The following SLC1A1 variants were observed in gnomAD, a reference collection of about 807,000 sequenced individuals.
SLC1A1 encodes excitatory amino acid transporter 3.
In SLC1A1, 43 loss-of-function variants were observed where a neutral mutation model predicts 53.3. The ratio of observed to expected loss-of-function variants is 0.81; its 90% CI spans 0.63 to 1.04. SLC1A1 has a LOEUF of 1.04. Ranked by LOEUF, SLC1A1 falls within the 50% of genes least tolerant of loss-of-function variation. The probability of loss-of-function intolerance (pLI) is 0.00; values close to 1 mark genes in which losing one functional copy is unlikely to be tolerated. For missense variants in SLC1A1, 748 were observed against 664.9 expected, an observed-to-expected ratio of 1.12 and a Z score of -1.37; for synonymous variants, 307 against 243.2, an observed-to-expected ratio of 1.26 and a Z score of -2.44.
chr9:4,535,481 C>T (rs1374434157), intron 1 of SLC1A1, among the ~76,000 whole-genome samples: 3 of 152,084 alleles, frequency 2.0e-5, no homozygotes, highest in African/African-American at 7.2e-5. Flanking sequence ...GAATAAAATA[C>T]CTAGAAATCC....
At chr9:4,575,308 C>G (rs1168902234) in intron 8 of SLC1A1, among the ~76,000 whole-genome samples, 1 of 152,130 alleles carries the variant, frequency 6.6e-6, no homozygotes, top group Non-Finnish European at 1.5e-5. Context: ...TTTCTTAAGC[C>G]TCCTAGTTCA....
At chr9:4,544,829 C>A in intron 2 of SLC1A1, 122 bp downstream of exon 2, 1 of 840,250 alleles carries the variant, frequency 1.2e-6, no homozygotes, top group Non-Finnish European at 1.9e-6. Context: ...CATCCTGGCT[C>A]AGAAGGTCTC....
In SLC1A1 at chr9:4,567,704, C is replaced by T. The variant is rs183300590; in HGVS notation, c.519C>T (p.Ser173=). ...AGCGTGAAGAAGTGAAGCCTCCCAG[C>T]GATCCAGAGATGAACATGACAGAAG... The part of the protein sequence containing the change: ...KTKREEVKPP[S]DPEMNMTEES... The change falls in exon 6 of 12, where the codon AGC becomes AGT. Residue 173 remains serine (S), a synonymous_variant. Coordinates refer to ENST00000262352, the MANE Select transcript of SLC1A1 (RefSeq NM_004170.6). 63 of 1,613,058 alleles carry T rather than the reference C, an allele frequency of 3.9e-5. 1 individual carries two copies. In the East Asian group the frequency reaches 7.8e-4, roughly 20 times the overall value.
chr9:4,567,415 T>C (rs780838782), intron 5 of SLC1A1, among the ~76,000 whole-genome samples: 3 of 152,220 alleles, frequency 2.0e-5, no homozygotes, highest in Non-Finnish European at 4.4e-5. Context: ...TTGTCGTTTA[T>C]TGTGAAAGTG....
chr9:4,498,345 C>G (rs967430753), intron 1 of SLC1A1, among the ~76,000 whole-genome samples: 37 of 152,084 alleles, frequency 2.4e-4, no homozygotes, highest in African/African-American at 8.7e-4. Context: ...TGGTTTATTA[C>G]AACAGTAATA....
intron 11 of SLC1A1, among the ~76,000 whole-genome samples, chr9:4,584,760 A>T (rs1821434388): frequency 6.6e-6 from 1 of 152,090 alleles, no homozygotes; most frequent in South Asian, 2.1e-4. Context: ...TCCTGGGCTG[A>T]CCTGTGTTTT....
At chr9:4,581,549 C>T (rs751471460) in intron 10 of SLC1A1, among the ~76,000 whole-genome samples, 12 of 152,174 alleles carry the variant, frequency 7.9e-5, no homozygotes, top group East Asian at 1.9e-4. Flanking sequence ...TACTGTGACA[C>T]GTCAGGGTTT....
At chr9:4,561,851 T>C (rs762246045) in intron 3 of SLC1A1, among the ~76,000 whole-genome samples, 13 of 152,204 alleles carry the variant, frequency 8.5e-5, no homozygotes, top group Non-Finnish European at 1.5e-4. Flanking sequence ...TTTATGGTAC[T>C]TTGACAATAC....
chr9:4,521,838 GACCTTTACAAAGGGAGCAGCCCC>G (rs937857632), intron 1 of SLC1A1, among the ~76,000 whole-genome samples: 1 of 152,062 alleles, frequency 6.6e-6, no homozygotes, highest in Non-Finnish European at 1.5e-5. Context: ...ATTTATTCAA[GACCTTTACAAAGGGAGCAGCCCC>G]ACTTGTTTGC....
At chr9:4,508,295 C>T (rs139352773) in intron 1 of SLC1A1, among the ~76,000 whole-genome samples, 1 of 152,326 alleles carries the variant, frequency 6.6e-6, no homozygotes, top group African/African-American at 2.4e-5. Context: ...AGATATGTAT[C>T]TCGGGAAATA....
rs1816548600 is a variant in SLC1A1, at chr9:4,533,329, C to T, written c.92-11238C>T. On this transcript the variant is annotated intron_variant, in intron 1 of 11. Transcript: ENST00000262352. ...GTATTCAGGAAACCCATCTCATGGG[C>T]AGAGACACAAATAGGCTCAAAATAA... Among the ~76,000 whole-genome samples the T allele has an allele frequency of 2.0e-5, 3 of 152,152 alleles. No homozygotes were observed. In the South Asian group the frequency reaches 6.2e-4, roughly 32 times the overall value.
rs200490582 is a variant in SLC1A1 at position 4,544,643 on chromosome 9, A to G, written c.168A>G (p.Gly56=). 1.1e-5 allele frequency: 18 copies of G among 1,613,840 alleles called. No individual in the cohort carries two copies. In the East Asian group the frequency reaches 4.0e-4, roughly 36 times the overall value. The change falls in exon 2 of 12, where the codon GGA becomes GGG. Residue 56 remains glycine, a synonymous_variant. Coordinates refer to ENST00000262352, the MANE Select transcript of SLC1A1 (RefSeq NM_004170.6). ...TLEKFYFAFP[G]EILMRMLKLI... ...AGAAATTCTACTTTGCTTTTCCTGG[A>G]GAAATTCTAATGCGGATGCTGAAAC...
At chr9:4,580,466 A>G (rs1471025319) in intron 10 of SLC1A1, among the ~76,000 whole-genome samples, 1 of 151,954 alleles carries the variant, frequency 6.6e-6, no homozygotes, top group Non-Finnish European at 1.5e-5. Context: ...CTGTGGTCTC[A>G]GCTACTCAGG....
intron 10 of SLC1A1, among the ~76,000 whole-genome samples, chr9:4,578,817 A>G (rs1820799428): frequency 6.6e-6 from 1 of 152,198 alleles, no homozygotes; most frequent in South Asian, 2.1e-4. Context: ...TCATTGCAGA[A>G]AGTTCTTTTG....
At chr9:4,531,257 G>T (rs1227806519) in intron 1 of SLC1A1, among the ~76,000 whole-genome samples, 16 of 152,228 alleles carry the variant, frequency 1.1e-4, no homozygotes. Context: ...GCAGGGCGAG[G>T]CATCGCCTCA....
intron 1 of SLC1A1, among the ~76,000 whole-genome samples, chr9:4,509,504 C>A (rs528218983): frequency 8.2e-5 from 12 of 146,060 alleles, no homozygotes; most frequent in African/African-American, 2.8e-4. Flanking sequence ...GGCAGGGAAC[C>A]AAAAGGCAGG....
chr9:4,509,434 A>G (rs1444987671), intron 1 of SLC1A1, among the ~76,000 whole-genome samples: 2 of 152,060 alleles, frequency 1.3e-5, no homozygotes, highest in Non-Finnish European at 1.5e-5. Flanking sequence ...TAGCTCATCT[A>G]GGCCTGAACA....
chr9:4,551,737 G>A (rs1195306312), intron 2 of SLC1A1, among the ~76,000 whole-genome samples: 1 of 152,222 alleles, frequency 6.6e-6, no homozygotes, highest in Non-Finnish European at 1.5e-5. Context: ...GTCTGAGAGT[G>A]AACTTCTTGC....
intron 1 of SLC1A1, among the ~76,000 whole-genome samples, chr9:4,519,033 T>C (rs1215031332): frequency 6.6e-6 from 1 of 152,222 alleles, no homozygotes; most frequent in Non-Finnish European, 1.5e-5. Context: ...TCCAACCCCT[T>C]TCAGCTGTAT....
Sources: gnomAD v4.1 joint callset for allele counts (sites outside exome capture counted in the v4.1 genomes callset) on GRCh38, gnomAD v4.1.1 for gene constraint, MANE v1.5 for transcripts, NCBI Gene and HGNC (gene_info 2026-07-23, HGNC 2026-07-21) for gene names.